Variants in TTC7A observed in about 807,000 individuals in gnomAD.
TTC7A encodes tetratricopeptide repeat protein 7A.
TTC7A carries 110 observed loss-of-function variants against 103.7 expected under a neutral mutation model. The observed-to-expected ratio is 1.06, with a 90% CI of 0.91 to 1.24. The LOEUF (loss-of-function observed/expected upper bound fraction) is 1.24. Among genes scored for constraint, TTC7A ranks in the 50% most tolerant of loss-of-function variants. The pLI is 0.00. For synonymous variants in TTC7A, 521 were observed against 467.9 expected, an observed-to-expected ratio of 1.11 and a Z score of -1.47; for missense variants, 1,340 against 1,116.3, an observed-to-expected ratio of 1.20 and a Z score of -2.86.
chr2:46,953,074 A>G (rs1374358939), intron 2 of TTC7A, among the ~76,000 whole-genome samples: 1 of 152,264 alleles, frequency 6.6e-6, no homozygotes, highest in Non-Finnish European at 1.5e-5. Flanking sequence ...ATAGGCACCA[A>G]TAATGTGCAG....
chr2:47,074,078 T>G lies in TTC7A; in HGVS notation c.*155T>G. The stretch of plus-strand genomic sequence containing the variant: ...CAGCTGCAGCCCTCGTTCTCTTGGC[T>G]GGGCCAAGAGGGCCTTCCTGGATTT... On this transcript the variant is annotated 3_prime_UTR_variant, in exon 20 of 20. Coordinates refer to ENST00000319190, the MANE Select transcript of TTC7A (RefSeq NM_020458.4). 1 of 631,546 alleles carries G rather than the reference T, an allele frequency of 1.6e-6. No homozygotes were observed. 39.1% of individuals were successfully genotyped at this position (631,546 alleles called of 1,614,324 possible). A position where few individuals can be genotyped will look rare whatever the true frequency, so the allele number is the denominator to read the frequency against.
intron 17 of TTC7A, 60 bp from the exon 18 acceptor site, chr2:47,051,686 T>C: frequency 6.5e-7 from 1 of 1,547,368 alleles, no homozygotes; most frequent in East Asian, 2.3e-5. Context: ...TGACTGCTCC[T>C]GGGGCCTGCA....
intron 19 of TTC7A, chr2:47,067,773 T>TAAC (rs1684303484): frequency 1.3e-5 from 2 of 152,046 alleles, no homozygotes; most frequent in Non-Finnish European, 2.9e-5. Flanking sequence ...AATAATTCCA[T>TAAC]AAGTTAGTGG....
intron 5 of TTC7A, among the ~76,000 whole-genome samples, chr2:46,990,444 C>T (rs376386835): frequency 9.9e-5 from 15 of 152,140 alleles, no homozygotes; most frequent in East Asian, 3.9e-4. Flanking sequence ...GGCTGGTAGG[C>T]GGAAGGTGGT....
At chr2:46,982,149 G>T (rs1674529973) in intron 5 of TTC7A, among the ~76,000 whole-genome samples, 1 of 152,202 alleles carries the variant, frequency 6.6e-6, no homozygotes, top group African/African-American at 2.4e-5. Flanking sequence ...GAGGTGGGAG[G>T]ATCGCTTGAG....
chr2:46,999,615 C>G, intron 8 of TTC7A: 8 of 985,462 alleles, frequency 8.1e-6, no homozygotes, highest in Non-Finnish European at 9.6e-6. Context: ...AAACCCTGGT[C>G]CCCAAATCAG....
intron 11 of TTC7A, among the ~76,000 whole-genome samples, chr2:47,017,724 C>T (rs1372597507): frequency 6.6e-6 from 1 of 152,042 alleles, no homozygotes; most frequent in African/African-American, 2.4e-5. Context: ...TAGAGTCACT[C>T]CTCTGTGGCT....
rs1674142674 is a variant in TTC7A at position 46,978,867 on chromosome 2, G to A, written c.724G>A (p.Ala242Thr). 2 of 1,613,996 alleles carry A rather than the reference G, an allele frequency of 1.2e-6. No homozygotes were observed. Among genetic ancestry groups the A allele is most frequent in the Non-Finnish European group, 1.7e-6 (2 of 1,179,996 alleles). The change falls in exon 5 of 20, where the codon GCT becomes ACT. Residue 242 changes from alanine to threonine, a missense_variant. Ala to Thr is a moderately conservative substitution (Grantham distance 58, BLOSUM62 0). Coordinates refer to ENST00000319190, the MANE Select transcript of TTC7A (RefSeq NM_020458.4). Reference protein sequence around the residue: ...LDYELTYFLEAALQSAYVKNL... With the variant: ...LDYELTYFLETALQSAYVKNL... ...CTATGAGCTCACCTACTTCCTGGAA[G>A]CTGCCCTCCAGAGCGCCTATGTGAA...
chr2:46,957,831 G>A (rs374110957), intron 3 of TTC7A, among the ~76,000 whole-genome samples: 8 of 152,308 alleles, frequency 5.3e-5, no homozygotes, highest in African/African-American at 1.9e-4. Flanking sequence ...TCTCCCTAGT[G>A]CAGCACAAAC....
intron 1 of TTC7A, among the ~76,000 whole-genome samples, chr2:46,948,097 G>A (rs1201284754): frequency 2.6e-5 from 4 of 152,236 alleles, no homozygotes; most frequent in Admixed American, 6.5e-5. Flanking sequence ...GCCACTGATG[G>A]TGCCGTATCT....
chr2:46,951,605 C>A, intron 2 of TTC7A: 1 of 453,916 alleles, frequency 2.2e-6, no homozygotes. Context: ...TCTTCAGGGT[C>A]TCGCTGTGTT....
At chr2:47,035,099 T>C (rs1680964633) in intron 15 of TTC7A, among the ~76,000 whole-genome samples, 1 of 152,126 alleles carries the variant, frequency 6.6e-6, no homozygotes, top group East Asian at 1.9e-4. Context: ...AGGTGGCGCT[T>C]GTTGTATATT....
At chr2:46,969,653 C>T (rs1004083618) in intron 3 of TTC7A, among the ~76,000 whole-genome samples, 2 of 151,928 alleles carry the variant, frequency 1.3e-5, no homozygotes, top group Admixed American at 6.5e-5. Context: ...CCTCGTGATC[C>T]GTCCGCCTCG....
In TTC7A at chr2:46,994,419, C is replaced by A. The variant is rs1285564757; in HGVS notation, c.906C>A (p.Ser302Arg). ...LHSLSEECYW[S>R]PLSHPLPEFM... ...CCCTGAGTGAGGAGTGCTACTGGAG[C>A]CCCCTGTCCCACCCTCTGCCTGAGT... Residue 302 changes from serine (S) to arginine (R), a missense_variant, in exon 7 of 20, where the codon AGC becomes AGA. Transcript: ENST00000319190. 6.2e-7 allele frequency: 1 copy of A among 1,613,826 alleles called. No individual in the cohort carries two copies. The highest frequency in any genetic ancestry group is 8.5e-7 in the Non-Finnish European group (1 of 1,179,926).
chr2:47,057,964 T>G (rs1023939327), intron 18 of TTC7A, among the ~76,000 whole-genome samples: 1 of 152,128 alleles, frequency 6.6e-6, no homozygotes, highest in Admixed American at 6.5e-5. Flanking sequence ...CTCTTTCTCC[T>G]CCTTGTGGGG....
At chr2:47,023,289 C>G in intron 12 of TTC7A, 119 bp from the exon 13 acceptor site, 2 of 1,072,236 alleles carry the variant, frequency 1.9e-6, no homozygotes, top group African/African-American at 3.1e-5. Context: ...TGAAGTTTGC[C>G]AGATGGGACC....
At position 46,941,834 on chromosome 2, in the gene TTC7A, C is replaced by G. The variant is rs1261081245; in HGVS notation, c.184+109C>G. The stretch of plus-strand genomic sequence containing the variant: ...CGGCCGACAGCGGGCGCCTGCCAGC[C>G]CACCGTGCTAGTCTTAAGAGCAGCC... On this transcript the variant is annotated intron_variant, in intron 1 of 19. Transcript: ENST00000319190. The surrounding 1 kb of genome is among the most constrained non-coding windows in gnomAD (Gnocchi z 4.2). 1.4e-6 allele frequency: 2 copies of G among 1,401,486 alleles called. No homozygotes were observed. The highest frequency in any genetic ancestry group is 1.4e-5 in the African/African-American group (1 of 69,728). The allele number at this position is 1,401,486 out of a possible 1,614,324, so 86.8% of individuals were successfully genotyped here.
At chr2:47,041,705 A>G (rs1356542373) in intron 15 of TTC7A, among the ~76,000 whole-genome samples, 2 of 150,838 alleles carry the variant, frequency 1.3e-5, no homozygotes, top group African/African-American at 2.4e-5. Flanking sequence ...GTGAGCCAAG[A>G]TTGCGCCATT....
chr2:47,073,640 G>C (rs1036206359), intron 19 of TTC7A, 62 bp from the exon 20 acceptor site: 1 of 1,487,360 alleles, frequency 6.7e-7, no homozygotes, highest in Non-Finnish European at 9.3e-7. Context: ...GCTTGGCCCA[G>C]TTGCCAAGAT....
Sources: gnomAD v4.1 joint callset for allele counts (sites outside exome capture counted in the v4.1 genomes callset) on GRCh38, gnomAD v4.1.1 for gene constraint, Gnocchi (gnomAD v3.1) non-coding constraint, MANE v1.5 for transcripts, NCBI Gene and HGNC (gene_info 2026-07-23, HGNC 2026-07-21) for gene names.